Variants in PLXNB2 observed in about 807,000 individuals in gnomAD.
PLXNB2 encodes the protein plexin B2.
In PLXNB2, 85 loss-of-function variants were observed where a neutral mutation model predicts 202.6. That is an observed-to-expected ratio of 0.42 (90% CI 0.35 to 0.50). The LOEUF is 0.50. Among genes scored for constraint, PLXNB2 ranks in the 20% least tolerant of loss-of-function variants. The pLI, the probability that PLXNB2 is intolerant of heterozygous loss-of-function variation, is 0.02. For missense variants in PLXNB2, 2,063 were observed against 2,586.2 expected (o/e 0.80, Z 4.39); for synonymous variants, 1,239 against 1,137.6 (o/e 1.09, Z -1.79).
Position 50,288,758 on chromosome 22 carries a change from G to A in PLXNB2, c.1365C>T (p.Ala455=), listed in dbSNP as rs769580876. Residue 455 remains alanine, a synonymous_variant, in exon 5 of 37, where the codon GCC becomes GCT. Transcript: ENST00000359337. The surrounding 1 kb of genome is among the most constrained non-coding windows in gnomAD (Gnocchi z 5.0). ...VLSGDLGSLY[A]MTQDKVFRLP... The stretch of plus-strand genomic sequence containing the variant: ...TCTGGCTCACCTTGTCCTGGGTCAT[G>A]GCGTACAGGCTGCCCAGGTCTCCAG... 2 of 1,613,012 alleles carry A rather than the reference G, an allele frequency of 1.2e-6. No individual in the cohort carries two copies. The highest frequency in any genetic ancestry group is 2.2e-5 in the South Asian group (2 of 91,076).
chr22:50,282,789 A>G lies in PLXNB2; in HGVS notation c.2909T>C (p.Val970Ala). Residue 970 changes from valine to alanine, a missense_variant, in exon 18 of 37, where the codon GTG becomes GCG. Physicochemically the swap from Val to Ala is moderately conservative, Grantham distance 64. Coordinates refer to ENST00000359337, the MANE Select transcript of PLXNB2 (RefSeq NM_012401.4). ...GGTGAAGAAGATGCCGGGGTTGGGC[A>G]CGGGGGACCCCCCGTAGGAGACCTC... ...LLEVSYGGSP[V>A]PNPGIFFTYR... The G allele has an allele frequency of 6.2e-7, 1 of 1,607,938 alleles. No homozygotes were observed.
intron 8 of PLXNB2, 95 bp from the exon 9 acceptor site, chr22:50,286,382 G>A: frequency 2.4e-6 from 2 of 830,090 alleles, no homozygotes; most frequent in Non-Finnish European, 4.0e-6. Context: ...GGCCAAGGTG[G>A]AGACCCCTGG....
rs368279500 is a variant in PLXNB2, at chr22:50,278,837, G to A, written c.4546+18C>T. The A allele has an allele frequency of 1.1e-4, 183 of 1,605,038 alleles. No individual in the cohort carries two copies. The highest frequency in any genetic ancestry group is 1.5e-4 in the Non-Finnish European group (178 of 1,174,544). On this transcript the variant is annotated intron_variant, in intron 28 of 36. Transcript: ENST00000359337. ...CACATGGGCGCCTGTGTGCAGACGG[G>A]CAGGGGCCGGCACTCACCCAGGACC...
Position 50,286,043 on chromosome 22 carries a change from C to T in PLXNB2, c.1933G>A (p.Glu645Lys). 6.2e-7 allele frequency: 1 copy of T among 1,612,446 alleles called. No individual in the cohort carries two copies. The highest frequency in any genetic ancestry group is 8.5e-7 in the Non-Finnish European group (1 of 1,179,984). ...GGGTTGGGCGAAGCCTCCCGGCACT[C>T]GTGGTAGCGCAGGTCCCACTGGCAG... Reference protein sequence around the residue: ...WTCQWDLRYHECREASPNPED... With the variant: ...WTCQWDLRYHKCREASPNPED... The change falls in exon 10 of 37, where the codon GAG becomes AAG. Residue 645 changes from glutamate to lysine, a missense_variant. By Grantham distance (56) the Glu-to-Lys change is moderately conservative (BLOSUM62 1). This residue lies in a region of PLXNB2 where 1,303 missense variants were observed against 1,476.8 expected (regional missense o/e 0.88). Coordinates refer to ENST00000359337, the MANE Select transcript of PLXNB2 (RefSeq NM_012401.4).
chr22:50,283,956 G>A lies in PLXNB2; in HGVS notation c.2298C>T (p.Asp766=). Residue 766 remains aspartate (D), a synonymous_variant, in exon 14 of 37, where the codon GAC becomes GAT. Transcript: ENST00000359337. ...TLYNCSFGRS[D]CSLCRAANPD... ...GGTTAGCGGCCCGGCACAGGCTGCA[G>A]TCGCTGCGGCCAAAGGAGCAGTTGT... 6.4e-7 allele frequency: 1 copy of A among 1,553,754 alleles called. No homozygotes were observed. The highest frequency in any genetic ancestry group is 1.9e-5 in the Admixed American group (1 of 51,926).
At chr22:50,275,989 T>C in intron 35 of PLXNB2, 26 bp from the exon 36 acceptor site, 1 of 1,607,150 alleles carries the variant, frequency 6.2e-7, no homozygotes, top group East Asian at 2.2e-5. Context: ...ACAGTCAGGG[T>C]GGAAAAGGGG....
intron 22 of PLXNB2, 35 bp from the exon 23 acceptor site, chr22:50,281,224 G>A: frequency 6.3e-7 from 1 of 1,589,970 alleles, no homozygotes; most frequent in Non-Finnish European, 8.6e-7. Flanking sequence ...GGTTCTGCCG[G>A]GGCTGGCCGC....
rs376014611 is a variant in PLXNB2, at chr22:50,288,696, C to A, written c.1380+47G>T. 15 of 1,605,554 alleles carry A rather than the reference C, an allele frequency of 9.3e-6. No homozygotes were observed. Among genetic ancestry groups the A allele is most frequent in the Admixed American group, 5.0e-5 (3 of 59,812 alleles). ...TCCTAAGGGCCTGGGATGCAATGAC[C>A]GGGCACACTTGGCCTAGAGTGCTCT... is the stretch of plus-strand genomic sequence containing the variant. On this transcript the variant is annotated intron_variant, in intron 5 of 36. Transcript: ENST00000359337. The surrounding 1 kb of genome is among the most constrained non-coding windows in gnomAD (Gnocchi z 5.0).
At position 50,280,864 on chromosome 22, in the gene PLXNB2, G is replaced by C; in HGVS notation, c.3873C>G (p.Asp1291Glu). 6.2e-7 allele frequency: 1 copy of C among 1,613,544 alleles called. No individual in the cohort carries two copies. The highest frequency in any genetic ancestry group is 8.5e-7 in the Non-Finnish European group (1 of 1,179,964). Reference sequence around the variant, plus strand: ...CGGTGATCATCACGTCCTTGTCGCCGTCCTTGGAGGGCAGGAAGAAGACGC... The same window carrying C: ...CGGTGATCATCACGTCCTTGTCGCCCTCCTTGGAGGGCAGGAAGAAGACGC... ...TDRVFFLPSK[D>E]GDKDVMITGK... The change falls in exon 24 of 37, where the codon GAC becomes GAG. Residue 1291 changes from aspartate (D) to glutamate (E), a missense_variant. By Grantham distance (45) the Asp-to-Glu change is conservative (BLOSUM62 2). Transcript: ENST00000359337.
Position 50,278,583 on chromosome 22 carries a change from C to A in PLXNB2, c.4647+13G>T. 1 of 1,610,080 alleles carries A rather than the reference C, an allele frequency of 6.2e-7. No homozygotes were observed. Among genetic ancestry groups the A allele is most frequent in the East Asian group, 2.2e-5 (1 of 44,702 alleles). ...GGTGCCCAGTTCTCGCCCGCCCCGGCCTACACGCTCACATTGTAGTGCATA... is the reference window on the plus strand; with the variant it reads ...GGTGCCCAGTTCTCGCCCGCCCCGGACTACACGCTCACATTGTAGTGCATA... On this transcript the variant is annotated intron_variant, in intron 29 of 36. Coordinates refer to ENST00000359337, the MANE Select transcript of PLXNB2 (RefSeq NM_012401.4).
chr22:50,278,090 G>A (rs1379012415), intron 31 of PLXNB2, 27 bp downstream of exon 31: 1 of 1,602,814 alleles, frequency 6.2e-7, no homozygotes, highest in Non-Finnish European at 8.5e-7. Flanking sequence ...GCGGCCTGGT[G>A]CCGCCCACAC....
chr22:50,275,910 G>A lies in PLXNB2; in HGVS notation c.5391C>T (p.Tyr1797=). ...CTACCTCGTCATAGTACTTCTGCGT[G>A]TATTGGTAGAGCTGGTGGAGTGCCA... ...TLVALHQLYQ[Y]TQKYYDEIIN... Residue 1797 remains tyrosine (Y), a synonymous_variant, in exon 36 of 37, where the codon TAC becomes TAT. Transcript: ENST00000359337. 2 of 1,612,684 alleles carry A rather than the reference G, an allele frequency of 1.2e-6. No homozygotes were observed. The highest frequency in any genetic ancestry group is 1.6e-4 in the Middle Eastern group (1 of 6,062).
At chr22:50,286,347 G>A (rs563840442) in intron 8 of PLXNB2, 60 bp from the exon 9 acceptor site, 2 of 1,262,396 alleles carry the variant, frequency 1.6e-6, no homozygotes, top group African/African-American at 1.5e-5. Context: ...GGCCAGGCTG[G>A]GCCTCCCCTG....
chr22:50,284,793 C>T lies in PLXNB2; in HGVS notation c.2089-128G>A. The T allele has an allele frequency of 1.3e-6, 1 of 791,988 alleles. No homozygotes were observed. Among genetic ancestry groups the T allele is most frequent in the Admixed American group, 1.7e-5 (1 of 58,128 alleles). 49.1% of individuals were successfully genotyped at this position (791,988 alleles called of 1,614,324 possible). ...CTCTCCTCACCCCACACATGCCCGC[C>T]CCTCAGATTACCATGCCAGCTGACC... On this transcript the variant is annotated intron_variant, in intron 11 of 36. Transcript: ENST00000359337. The surrounding 1 kb of genome is among the most constrained non-coding windows in gnomAD (Gnocchi z 8.0).
chr22:50,281,316 G>A (rs778273463), intron 22 of PLXNB2, 44 bp downstream of exon 22: 38 of 1,604,448 alleles, frequency 2.4e-5, no homozygotes, highest in Middle Eastern at 1.6e-4. Flanking sequence ...GAGGCGGGAG[G>A]GCCGAGGGCT....
Position 50,297,690 on chromosome 22 carries a change from C to T in PLXNB2, c.-73-2912G>A, listed in dbSNP as rs962302952. On this transcript the variant is annotated intron_variant, in intron 1 of 36. Transcript: ENST00000359337. The surrounding 1 kb of genome is among the most constrained non-coding windows in gnomAD (Gnocchi z 5.3). ...CTTAGGTGGCTGTGGTCACACCTGA[C>T]GCTGCTGCACCCAGGGACCTCGAGG... is the stretch of plus-strand genomic sequence containing the variant. Among the ~76,000 whole-genome samples the T allele has an allele frequency of 7.9e-5, 12 of 152,198 alleles. No individual in the cohort carries two copies. The South Asian group carries it at 8.3e-4, about 10-fold the overall frequency.
rs2147470325 is a variant in PLXNB2 at position 50,286,172 on chromosome 22, C to T, written c.1877+1G>A. 3 of 1,612,256 alleles carry T rather than the reference C, an allele frequency of 1.9e-6. No individual in the cohort carries two copies. Among genetic ancestry groups the T allele is most frequent in the South Asian group, 1.1e-5 (1 of 91,058 alleles). On this transcript the variant is annotated splice_donor_variant, in intron 9 of 36. Coordinates refer to ENST00000359337, the MANE Select transcript of PLXNB2 (RefSeq NM_012401.4). LOFTEE classifies it high-confidence loss of function. ...GGGGTCGATGGGCACAAGACACTCACGGCAGGTTCTCCTCCAGGCTCATGG... is the reference window on the plus strand; with the variant it reads ...GGGGTCGATGGGCACAAGACACTCATGGCAGGTTCTCCTCCAGGCTCATGG...
Position 50,285,220 on chromosome 22 carries a change from C to T in PLXNB2, c.2089-555G>A, listed in dbSNP as rs543144408. On this transcript the variant is annotated intron_variant, in intron 11 of 36. Coordinates refer to ENST00000359337, the MANE Select transcript of PLXNB2 (RefSeq NM_012401.4). ...GTCACCAACCGGCACCCCCTCCCTCCGCACCTGAGCCTGCCTGTCACCGGC... is the reference window on the plus strand; with the variant it reads ...GTCACCAACCGGCACCCCCTCCCTCTGCACCTGAGCCTGCCTGTCACCGGC... Among the ~76,000 whole-genome samples the T allele has an allele frequency of 6.6e-3, 953 of 143,822 alleles. 17 individuals carry two copies. The highest frequency in any genetic ancestry group is 0.023 in the African/African-American group (881 of 37,540). 94.4% of individuals were successfully genotyped at this position (143,822 alleles called of 152,430 possible).
rs1447448046 is a variant in PLXNB2 at position 50,288,824 on chromosome 22, A to C, written c.1299T>G (p.Leu433=). ...DGTSSEYDSI[L]VEINKRVKRD... The stretch of plus-strand genomic sequence containing the variant: ...GCTTGACTCTCTTGTTTATCTCCAC[A>C]AGGATAGAGTCGTACTCTGAGGAGG... Residue 433 remains leucine (L), a synonymous_variant, in exon 5 of 37, where the codon CTT becomes CTG. Coordinates refer to ENST00000359337, the MANE Select transcript of PLXNB2 (RefSeq NM_012401.4). The surrounding 1 kb of genome is among the most constrained non-coding windows in gnomAD (Gnocchi z 5.0). The C allele has an allele frequency of 1.2e-6, 2 of 1,613,164 alleles. No homozygotes were observed. Among genetic ancestry groups the C allele is most frequent in the Non-Finnish European group, 8.5e-7 (1 of 1,179,964 alleles).
Sources: allele counts gnomAD v4.1 joint callset (sites outside exome capture counted in the v4.1 genomes callset), GRCh38; gene constraint gnomAD v4.1.1; regional missense constraint gnomAD v4.1.1; non-coding constraint Gnocchi (gnomAD v3.1); transcripts MANE v1.5; gene names NCBI Gene and HGNC (gene_info 2026-07-23, HGNC 2026-07-21).